Variants in PCGF6 observed in about 807,000 individuals in gnomAD.
PCGF6 encodes polycomb group ring finger 6.
Under a neutral mutation model 45.5 loss-of-function variants are expected in PCGF6, and 24 were observed. The ratio of observed to expected loss-of-function variants is 0.53; its 90% CI spans 0.38 to 0.74. PCGF6 has a LOEUF of 0.74. Ranked by LOEUF, PCGF6 falls within the 30% of genes least tolerant of loss-of-function variation. PCGF6 has a pLI of 0.00. For synonymous variants in PCGF6, 152 were observed against 162.1 expected (o/e 0.94, Z 0.47); for missense variants, 356 against 443.2 (o/e 0.80, Z 1.77).
chr10:103,305,418 CCGCCATCA>C (rs1323028649), intron 9 of PCGF6, among the ~76,000 whole-genome samples: 1 of 151,930 alleles, frequency 6.6e-6, no homozygotes, highest in Non-Finnish European at 1.5e-5. Flanking sequence ...CGACAGGGGC[CCGCCATCA>C]CGCCTGGCTA....
At chr10:103,304,970 G>A (rs1428681089) in intron 9 of PCGF6, among the ~76,000 whole-genome samples, 1 of 151,914 alleles carries the variant, frequency 6.6e-6, no homozygotes, top group African/African-American at 2.4e-5. Flanking sequence ...TGACTCTCAG[G>A]AGCCAATTCT....
chr10:103,328,117 C>T (rs184041572), intron 7 of PCGF6, among the ~76,000 whole-genome samples: 13 of 152,246 alleles, frequency 8.5e-5, no homozygotes, highest in Admixed American at 6.5e-4. Context: ...TACCCAGCTC[C>T]GATCTGAGAC....
Position 103,348,929 on chromosome 10 carries a change from G to C in PCGF6, c.431C>G (p.Ala144Gly), listed in dbSNP as rs761083408. 3.7e-6 allele frequency: 6 copies of C among 1,613,114 alleles called. No individual in the cohort carries two copies. The Admixed American group carries it at 8.3e-5, about 22-fold the overall frequency. ...ATGAAGACATTCTGTGATGGTAGTT[G>C]CATCTATTAAGTAACCTTTGCAAAT... ...CSICKGYLID[A>G]TTITECLHTF... is the part of the protein sequence containing the mutation. Residue 144 changes from alanine to glycine, a missense_variant, in exon 2 of 10, where the codon GCA becomes GGA. Ala to Gly is a moderately conservative substitution (Grantham distance 60). Around this residue, in one of 2 missense-constraint regions of PCGF6, gnomAD observed 307 missense variants for 350.1 expected, o/e 0.88. Coordinates refer to ENST00000369847, the MANE Select transcript of PCGF6 (RefSeq NM_001011663.2).
chr10:103,331,215 T>A (rs2093239077), intron 7 of PCGF6, among the ~76,000 whole-genome samples: 1 of 152,236 alleles, frequency 6.6e-6, no homozygotes, highest in African/African-American at 2.4e-5. Context: ...TGTTTATCCA[T>A]TCATCAGCTA....
At chr10:103,330,888 C>T (rs2093237739) in intron 7 of PCGF6, among the ~76,000 whole-genome samples, 1 of 152,148 alleles carries the variant, frequency 6.6e-6, no homozygotes, top group African/African-American at 2.4e-5. Context: ...CAGATTGCGC[C>T]ACTGCACTCC....
intron 6 of PCGF6, among the ~76,000 whole-genome samples, chr10:103,334,299 G>A (rs564937534): frequency 6.6e-6 from 1 of 151,998 alleles, no homozygotes; most frequent in Non-Finnish European, 1.5e-5. Context: ...GTTTTGATAC[G>A]TATATACTGT....
At chr10:103,339,182 A>C (rs1487016394) in intron 6 of PCGF6, among the ~76,000 whole-genome samples, 1 of 152,070 alleles carries the variant, frequency 6.6e-6, no homozygotes, top group Non-Finnish European at 1.5e-5. Flanking sequence ...TGGGAGGCCA[A>C]GGCGGGTAGA....
At chr10:103,329,969 G>C (rs755462396) in intron 7 of PCGF6, among the ~76,000 whole-genome samples, 2 of 147,388 alleles carry the variant, frequency 1.4e-5, no homozygotes, top group African/African-American at 2.5e-5. Context: ...TAGTAGAGAC[G>C]GGTGTTAGCC....
In PCGF6 at chr10:103,325,852, TA is replaced by T. The variant is rs34739627; in HGVS notation, c.909+681del. Among the ~76,000 whole-genome samples, 1,026 of 135,198 alleles carry T rather than the reference TA, an allele frequency of 7.6e-3. 5 individuals carry two copies. Among genetic ancestry groups the T allele is most frequent in the African/African-American group, 0.01 (375 of 36,176 alleles). 88.7% of individuals were successfully genotyped at this position (135,198 alleles called of 152,430 possible). A position where few individuals can be genotyped will look rare whatever the true frequency, so the allele number is the denominator to read the frequency against. On this transcript the variant is annotated intron_variant, in intron 8 of 9. Transcript: ENST00000369847. ...TGGACAAAAGCAAGACCGCATCTCT[TA>T]AAAAAAAAAAAAAAAAAAAATTAGC...
At chr10:103,339,226 C>G (rs2093269550) in intron 6 of PCGF6, among the ~76,000 whole-genome samples, 1 of 151,006 alleles carries the variant, frequency 6.6e-6, no homozygotes, top group Non-Finnish European at 1.5e-5. Flanking sequence ...CCAGCTTGGG[C>G]AATATGGTAA....
At chr10:103,345,547 G>A (rs116889583) in intron 5 of PCGF6, among the ~76,000 whole-genome samples, 4,238 of 151,096 alleles carry the variant, frequency 0.028, 80 homozygotes, top group Middle Eastern at 0.034. Context: ...AACTGAGACC[G>A]CCAGTCGCCA....
chr10:103,335,744 GATA>G (rs1208933533), intron 6 of PCGF6, among the ~76,000 whole-genome samples: 1 of 151,908 alleles, frequency 6.6e-6, no homozygotes, highest in East Asian at 2.0e-4. Flanking sequence ...AAGGTGGGCA[GATA>G]ATGAGGTCAG....
chr10:103,315,429 G>A (rs1409381624), intron 8 of PCGF6, among the ~76,000 whole-genome samples: 2 of 152,172 alleles, frequency 1.3e-5, no homozygotes, highest in East Asian at 1.9e-4. Context: ...GCACAATCTC[G>A]GCTCACTGCA....
intron 6 of PCGF6, among the ~76,000 whole-genome samples, chr10:103,339,809 AAACACACACACACACACACACACAC>A (rs2093272674): frequency 2.6e-5 from 1 of 38,666 alleles, no homozygotes; most frequent in Non-Finnish European, 5.3e-5. Context: ...CTCAAAAAAA[AAACACACACACACACACACACACAC>A]ACACACACAC....
At chr10:103,317,627 GA>G (rs2093180798) in intron 8 of PCGF6, among the ~76,000 whole-genome samples, 1 of 151,640 alleles carries the variant, frequency 6.6e-6, no homozygotes, top group African/African-American at 2.4e-5. Flanking sequence ...GCAACAAAAC[GA>G]AACCTCATCT....
intron 5 of PCGF6, among the ~76,000 whole-genome samples, chr10:103,345,851 C>T (rs183093304): frequency 6.7e-6 from 1 of 150,112 alleles, no homozygotes; most frequent in Admixed American, 6.7e-5. Context: ...GAAACTGAGG[C>T]TTAGAGAGAG....
chr10:103,311,082 C>T (rs936919649), intron 9 of PCGF6, among the ~76,000 whole-genome samples: 16 of 152,154 alleles, frequency 1.1e-4, no homozygotes, highest in Non-Finnish European at 1.5e-4. Flanking sequence ...ATGATCCTCC[C>T]ATCTTGGCCC....
At chr10:103,340,479 G>A (rs1447821423) in intron 6 of PCGF6, among the ~76,000 whole-genome samples, 1 of 151,972 alleles carries the variant, frequency 6.6e-6, no homozygotes, top group Admixed American at 6.6e-5. Context: ...AAGAAATGGT[G>A]GCACACCCAT....
chr10:103,302,894 GTC>G lies in PCGF6; in HGVS notation c.*1009_*1010del, dbSNP rs1564719987. Reference sequence around the variant, plus strand: ...CCAATCTTTTTCCAATTTTGTAGTAGTCTCTACACATTCAGAAATTCTGCTGT... The same window carrying G: ...CCAATCTTTTTCCAATTTTGTAGTAGTCTACACATTCAGAAATTCTGCTGT... On this transcript the variant is annotated 3_prime_UTR_variant, in exon 10 of 10. Coordinates refer to ENST00000369847, the MANE Select transcript of PCGF6 (RefSeq NM_001011663.2). 1 of 152,096 alleles carries G rather than the reference GTC, an allele frequency of 6.6e-6. No homozygotes were observed. Among genetic ancestry groups the G allele is most frequent in the African/African-American group, 2.4e-5 (1 of 41,384 alleles). The allele number at this position is 152,096 out of a possible 1,614,324, so 9.4% of individuals were successfully genotyped here.
Sources: gnomAD v4.1 joint callset for allele counts (sites outside exome capture counted in the v4.1 genomes callset) on GRCh38, gnomAD v4.1.1 for gene constraint, gnomAD v4.1.1 regional missense constraint, MANE v1.5 for transcripts, NCBI Gene and HGNC (gene_info 2026-07-23, HGNC 2026-07-21) for gene names.